EPHA6: variants seen among roughly 807,000 people sequenced by gnomAD.
EPHA6 encodes the protein ephrin type-A receptor 6.
In EPHA6, 50 loss-of-function variants were observed where a neutral mutation model predicts 112.0. The observed-to-expected ratio is 0.45, with a 90% confidence interval of 0.36 to 0.56. The LOEUF (loss-of-function observed/expected upper bound fraction) is 0.56. Among genes scored for constraint, EPHA6 ranks in the 20% least tolerant of loss-of-function variants. The pLI, the probability that EPHA6 is intolerant of heterozygous loss-of-function variation, is 0.00. For missense variants in EPHA6, 1,280 were observed against 1,417.4 expected, an observed-to-expected ratio of 0.90 and a Z score of 1.56; for synonymous variants, 529 against 490.7, an observed-to-expected ratio of 1.08 and a Z score of -1.03.
At chr3:97,324,988 G>C (rs181621183) in intron 5 of EPHA6, among the ~76,000 whole-genome samples, 72 of 152,104 alleles carry the variant, frequency 4.7e-4, no homozygotes, top group Non-Finnish European at 8.2e-4. Flanking sequence ...TCTTTCTAAA[G>C]AGCCATCCCA....
At chr3:97,450,562 A>C (rs1025074137) in intron 7 of EPHA6, among the ~76,000 whole-genome samples, 2 of 152,064 alleles carry the variant, frequency 1.3e-5, no homozygotes, top group Non-Finnish European at 2.9e-5. Flanking sequence ...ATATTAACAA[A>C]AATTCTGATT....
intron 3 of EPHA6, among the ~76,000 whole-genome samples, chr3:97,140,662 A>G (rs1452389635): frequency 6.6e-6 from 1 of 152,184 alleles, no homozygotes; most frequent in African/African-American, 2.4e-5. Flanking sequence ...GACTGGCACT[A>G]CAAGAAGAGC....
At chr3:97,487,445 C>CTTGTAAAAGA (rs1361152893) in intron 10 of EPHA6, among the ~76,000 whole-genome samples, 2 of 152,178 alleles carry the variant, frequency 1.3e-5, no homozygotes, top group East Asian at 3.9e-4. Flanking sequence ...CTAATATTTA[C>CTTGTAAAAGA]TTGTAAAAGA....
At chr3:97,704,151 G>T (rs2033550484) in intron 14 of EPHA6, among the ~76,000 whole-genome samples, 1 of 152,146 alleles carries the variant, frequency 6.6e-6, no homozygotes, top group Non-Finnish European at 1.5e-5. Context: ...AGTCCTTAGA[G>T]GATGTGATGA....
In EPHA6 at chr3:97,400,588, C is replaced by T. The variant is rs984678098; in HGVS notation, c.1607-4562C>T. Reference sequence around the variant, plus strand: ...ATGTCTTTACATTTATTTGTTTCCTCTTAAAGTTTTTCATCACTGTTTTGT... The same window carrying T: ...ATGTCTTTACATTTATTTGTTTCCTTTTAAAGTTTTTCATCACTGTTTTGT... On this transcript the variant is annotated intron_variant, in intron 5 of 17. Transcript: ENST00000389672. Among the ~76,000 whole-genome samples, 6 of 151,594 alleles carry T rather than the reference C, an allele frequency of 4.0e-5. No individual in the cohort carries two copies. In the South Asian group the frequency reaches 1.2e-3, roughly 31 times the overall value.
intron 2 of EPHA6, among the ~76,000 whole-genome samples, chr3:96,972,151 A>G (rs1477692629): frequency 6.6e-6 from 1 of 152,036 alleles, no homozygotes; most frequent in African/African-American, 2.4e-5. Context: ...ATATCTTTCA[A>G]ATGGTCACTT....
intron 12 of EPHA6, among the ~76,000 whole-genome samples, chr3:97,598,862 A>G (rs1402542014): frequency 6.6e-6 from 1 of 151,346 alleles, no homozygotes; most frequent in Non-Finnish European, 1.5e-5. Context: ...CAATGGTTGA[A>G]CTAGTTTACA....
intron 5 of EPHA6, among the ~76,000 whole-genome samples, chr3:97,383,890 C>T (rs1422225794): frequency 6.6e-6 from 1 of 152,068 alleles, no homozygotes; most frequent in Non-Finnish European, 1.5e-5. Context: ...TCCTAAACAT[C>T]TAATTTTCTG....
intron 11 of EPHA6, among the ~76,000 whole-genome samples, chr3:97,535,984 C>T (rs1010330231): frequency 1.1e-4 from 17 of 152,054 alleles, no homozygotes; most frequent in African/African-American, 4.1e-4. Flanking sequence ...ATCCAAAAAA[C>T]TGTGTTTGAT....
chr3:97,311,521 T>C (rs796575980), intron 5 of EPHA6, among the ~76,000 whole-genome samples: 1 of 151,592 alleles, frequency 6.6e-6, no homozygotes. Flanking sequence ...TATGCAGATA[T>C]CAAGTTGCTC....
At chr3:96,859,848 G>C (rs1344977598) in intron 1 of EPHA6, among the ~76,000 whole-genome samples, 1 of 152,072 alleles carries the variant, frequency 6.6e-6, no homozygotes, top group Non-Finnish European at 1.5e-5. Flanking sequence ...TGGGATGTCT[G>C]CCCTTTTAGA....
At chr3:96,904,369 A>G (rs570357034) in intron 2 of EPHA6, among the ~76,000 whole-genome samples, 92 of 148,706 alleles carry the variant, frequency 6.2e-4, no homozygotes, top group African/African-American at 2.0e-3. Context: ...AAAAAACCAA[A>G]CACCGCGTGT....
At chr3:97,351,342 T>A (rs2083805141) in intron 5 of EPHA6, among the ~76,000 whole-genome samples, 1 of 152,206 alleles carries the variant, frequency 6.6e-6, no homozygotes. Flanking sequence ...ACTAAACATG[T>A]CATCAGATAA....
intron 14 of EPHA6, among the ~76,000 whole-genome samples, chr3:97,693,993 A>G (rs951882922): frequency 5.3e-5 from 8 of 152,270 alleles, no homozygotes; most frequent in Non-Finnish European, 8.8e-5. Context: ...TAAAGGTAAT[A>G]GAAATAAAGA....
intron 5 of EPHA6, among the ~76,000 whole-genome samples, chr3:97,397,296 C>G (rs1278059436): frequency 6.6e-6 from 1 of 151,426 alleles, no homozygotes; most frequent in Non-Finnish European, 1.5e-5. Context: ...ATCAGTTTTT[C>G]TCATATGGAA....
chr3:97,177,212 A>G (rs1269653246), intron 3 of EPHA6, among the ~76,000 whole-genome samples: 2 of 151,838 alleles, frequency 1.3e-5, no homozygotes, highest in African/African-American at 2.4e-5. Context: ...ATTAATTTTT[A>G]GTTATATTAC....
chr3:97,687,387 G>T (rs934337686), intron 14 of EPHA6, among the ~76,000 whole-genome samples: 1 of 152,030 alleles, frequency 6.6e-6, no homozygotes, highest in African/African-American at 2.4e-5. Flanking sequence ...GGACATCATG[G>T]CTATAATGTC....
intron 3 of EPHA6, among the ~76,000 whole-genome samples, chr3:97,193,395 T>C (rs1374407215): frequency 6.6e-6 from 1 of 152,126 alleles, no homozygotes; most frequent in Non-Finnish European, 1.5e-5. Context: ...ATTTTATTTG[T>C]AGCTATTGTA....
chr3:96,925,621 C>T (rs1431253594), intron 2 of EPHA6, among the ~76,000 whole-genome samples: 2 of 137,202 alleles, frequency 1.5e-5, no homozygotes, highest in African/African-American at 3.0e-5. Context: ...TTTTTTTTTC[C>T]CAAGACAGAG....
Sources: allele counts gnomAD v4.1 joint callset (sites outside exome capture counted in the v4.1 genomes callset), GRCh38; gene constraint gnomAD v4.1.1; transcripts MANE v1.5; gene names NCBI Gene and HGNC (gene_info 2026-07-23, HGNC 2026-07-21).